The following OPCML variants were observed in gnomAD, a reference collection of about 807,000 sequenced individuals.
OPCML encodes the protein opioid binding protein/cell adhesion molecule like.
A neutral mutation model predicts 37.8 loss-of-function variants in OPCML; 13 were observed. That is an observed-to-expected ratio of 0.34 (90% CI 0.22 to 0.55). The LOEUF (loss-of-function observed/expected upper bound fraction) is 0.55. Ranked by LOEUF, OPCML falls within the 20% of genes least tolerant of loss-of-function variation. OPCML has a pLI of 0.91. For synonymous variants in OPCML, 176 were observed against 168.8 expected (o/e 1.04, Z -0.33); for missense variants, 341 against 435.6 (o/e 0.78, Z 1.93).
intron 1 of OPCML, among the ~76,000 whole-genome samples, chr11:133,463,424 T>C (rs1386867091): frequency 6.6e-6 from 1 of 152,176 alleles, no homozygotes; most frequent in Non-Finnish European, 1.5e-5. Context: ...TTTACCACAA[T>C]TAAAAATGGT....
At chr11:133,246,798 T>C (rs183068624) in intron 1 of OPCML, among the ~76,000 whole-genome samples, 3 of 152,350 alleles carry the variant, frequency 2.0e-5, no homozygotes, top group African/African-American at 7.2e-5. Flanking sequence ...GAAAACTATT[T>C]TCCAAGCAAG....
chr11:133,208,530 G>A lies in OPCML; in HGVS notation c.62-265520C>T, dbSNP rs530174502. 3.8e-4 allele frequency among the ~76,000 whole-genome samples: 58 copies of A among 152,292 alleles called. No individual in the cohort carries two copies. The highest frequency in any genetic ancestry group is 2.5e-3 in the South Asian group (12 of 4,826). On this transcript the variant is annotated intron_variant, in intron 1 of 7. Coordinates refer to ENST00000524381, the MANE Select transcript of OPCML (RefSeq NM_001012393.5). This position sits in a 1 kb window ranked among gnomAD's most constrained non-coding sequence, Gnocchi z 8.9. ...CAATGAAGTATGTCAGTAGGGCATC[G>A]TAAATATAATTCCAATGCTGGCTAT... is the stretch of plus-strand genomic sequence containing the variant.
chr11:133,509,477 G>T (rs1026768048), intron 1 of OPCML, among the ~76,000 whole-genome samples: 11 of 152,254 alleles, frequency 7.2e-5, no homozygotes, highest in Non-Finnish European at 1.3e-4. Context: ...TCATTGATGG[G>T]CATTTGGGTT....
intron 1 of OPCML, among the ~76,000 whole-genome samples, chr11:133,520,925 C>T (rs993406564): frequency 6.6e-6 from 1 of 152,168 alleles, no homozygotes; most frequent in African/African-American, 2.4e-5. Flanking sequence ...AACATTGACT[C>T]ATGCCTGGGA....
intron 3 of OPCML, among the ~76,000 whole-genome samples, chr11:132,558,617 A>T: frequency 6.7e-6 from 1 of 150,012 alleles, no homozygotes; most frequent in Non-Finnish European, 1.5e-5. Context: ...GTTCATCTAT[A>T]TGAACCATCC....
intron 4 of OPCML, among the ~76,000 whole-genome samples, chr11:132,456,108 G>T (rs907802026): frequency 6.6e-6 from 1 of 152,074 alleles, no homozygotes; most frequent in Non-Finnish European, 1.5e-5. Context: ...CTCTCCCACC[G>T]TCTCTCCTCG....
intron 3 of OPCML, among the ~76,000 whole-genome samples, chr11:132,564,791 G>A (rs1194122583): frequency 6.6e-6 from 1 of 152,216 alleles, no homozygotes; most frequent in African/African-American, 2.4e-5. Context: ...TGCTAGGAAA[G>A]CTCAGTAGAT....
At chr11:132,755,517 C>T (rs557906565) in intron 2 of OPCML, among the ~76,000 whole-genome samples, 1 of 152,122 alleles carries the variant, frequency 6.6e-6, no homozygotes, top group Non-Finnish European at 1.5e-5. Flanking sequence ...TAAAAGATGT[C>T]TTTAAAAGAG....
At chr11:133,008,270 T>C (rs961332552) in intron 1 of OPCML, 7 of 985,392 alleles carry the variant, frequency 7.1e-6, no homozygotes, top group African/African-American at 1.7e-5. Flanking sequence ...GGGTGAATCA[T>C]AGAGAGTTGA....
intron 3 of OPCML, among the ~76,000 whole-genome samples, chr11:132,605,030 G>A (rs1162354017): frequency 6.6e-6 from 1 of 152,118 alleles, no homozygotes; most frequent in Non-Finnish European, 1.5e-5. Flanking sequence ...GGTTTAGAAT[G>A]GTGGAAAGGG....
At chr11:133,364,055 T>G (rs1279487244) in intron 1 of OPCML, among the ~76,000 whole-genome samples, 1 of 152,150 alleles carries the variant, frequency 6.6e-6, no homozygotes, top group Admixed American at 6.5e-5. Flanking sequence ...GACTAGTCAG[T>G]GGTTATCATG....
intron 2 of OPCML, among the ~76,000 whole-genome samples, chr11:132,901,722 G>A (rs1052841629): frequency 2.6e-5 from 4 of 152,190 alleles, no homozygotes; most frequent in South Asian, 2.1e-4. Flanking sequence ...ATTTCTCTGC[G>A]ACAGCAGTAG....
At chr11:132,857,221 CTAA>C (rs1321395012) in intron 2 of OPCML, among the ~76,000 whole-genome samples, 4 of 152,168 alleles carry the variant, frequency 2.6e-5, no homozygotes, top group Non-Finnish European at 5.9e-5. Context: ...TTGAGTTTTC[CTAA>C]TGACTAATGA....
chr11:132,811,198 T>C (rs1172918178), intron 2 of OPCML, among the ~76,000 whole-genome samples: 4 of 152,186 alleles, frequency 2.6e-5, no homozygotes, highest in African/African-American at 7.2e-5. Flanking sequence ...CAATTTGAAC[T>C]CATTTCGTCT....
intron 3 of OPCML, among the ~76,000 whole-genome samples, chr11:132,558,824 G>A (rs562633057): frequency 6.6e-6 from 1 of 151,958 alleles, no homozygotes; most frequent in East Asian, 2.0e-4. Context: ...TTGCATAATT[G>A]TTGACCGTTC....
intron 3 of OPCML, among the ~76,000 whole-genome samples, chr11:132,626,922 C>T (rs117671701): frequency 0.014 from 2,089 of 146,766 alleles, 20 homozygotes; most frequent in South Asian, 0.019. Flanking sequence ...ATATATAAAG[C>T]TTTATATATA....
chr11:133,005,107 A>G, intron 1 of OPCML: 1 of 985,322 alleles, frequency 1.0e-6, no homozygotes, highest in Non-Finnish European at 1.2e-6. Flanking sequence ...CATGAAGTTT[A>G]GAATGAAATC....
chr11:132,763,601 C>T (rs777067945), intron 2 of OPCML, among the ~76,000 whole-genome samples: 5 of 152,210 alleles, frequency 3.3e-5, no homozygotes, highest in Admixed American at 6.5e-5. Context: ...AGAATGACTA[C>T]ATCTGATGTA....
At chr11:132,544,258 G>A (rs954300666) in intron 3 of OPCML, among the ~76,000 whole-genome samples, 2 of 151,844 alleles carry the variant, frequency 1.3e-5, no homozygotes, top group South Asian at 2.1e-4. Flanking sequence ...AGACCATAAC[G>A]TCACCGGAAG....
Sources: gnomAD v4.1 joint callset for allele counts (sites outside exome capture counted in the v4.1 genomes callset) on GRCh38, gnomAD v4.1.1 for gene constraint, Gnocchi (gnomAD v3.1) non-coding constraint, MANE v1.5 for transcripts, NCBI Gene and HGNC (gene_info 2026-07-23, HGNC 2026-07-21) for gene names.